Variants in DNAL4 observed in about 807,000 individuals in gnomAD.
DNAL4 encodes dynein axonemal light chain 4.
A neutral mutation model predicts 12.6 loss-of-function variants in DNAL4; 10 were observed. The observed-to-expected ratio is 0.79, with a 90% confidence interval of 0.49 to 1.34. The LOEUF (loss-of-function observed/expected upper bound fraction) is 1.34, where lower values mean the gene tolerates loss of function less well. Ranked by LOEUF, DNAL4 falls within the 40% of genes most tolerant of loss-of-function variation. DNAL4 has a pLI of 0.00. For missense variants in DNAL4, 128 were observed against 138.1 expected (o/e 0.93, Z 0.37); for synonymous variants, 46 against 53.1 (o/e 0.87, Z 0.58).
intron 1 of DNAL4, among the ~76,000 whole-genome samples, chr22:38,788,727 C>T (rs1274604530): frequency 3.3e-5 from 5 of 152,174 alleles, no homozygotes; most frequent in African/African-American, 7.2e-5. Context: ...GCTCCCGCCC[C>T]GCTCTCTCCC....
chr22:38,793,120 T>G (rs1264096716), intron 1 of DNAL4, among the ~76,000 whole-genome samples: 1 of 152,204 alleles, frequency 6.6e-6, no homozygotes, highest in Non-Finnish European at 1.5e-5. Flanking sequence ...TGGTCTTTCT[T>G]GACCAAAACG....
chr22:38,788,191 C>T (rs561195826), intron 1 of DNAL4, among the ~76,000 whole-genome samples: 2 of 152,246 alleles, frequency 1.3e-5, no homozygotes, highest in South Asian at 2.1e-4. Context: ...CTTGGGCATT[C>T]GTCCAAGACG....
Position 38,782,767 on chromosome 22 carries a change from CTTT to C in DNAL4, c.-39_-37del. The C allele has an allele frequency of 6.3e-7, 1 of 1,585,754 alleles. No homozygotes were observed. Among genetic ancestry groups the C allele is most frequent in the Non-Finnish European group, 8.6e-7 (1 of 1,167,168 alleles). ...CTGTGACCACTGGAGGAGAGTGGGGCTTTCAGGAGGTGCTGGGACTGGCAGTTA... is the reference window on the plus strand; with the variant it reads ...CTGTGACCACTGGAGGAGAGTGGGGCCAGGAGGTGCTGGGACTGGCAGTTA... On this transcript the variant is annotated 5_prime_UTR_variant, in exon 2 of 4. Coordinates refer to ENST00000216068, the MANE Select transcript of DNAL4 (RefSeq NM_005740.3). This position sits in a 1 kb window ranked among gnomAD's most constrained non-coding sequence, Gnocchi z 5.1.
chr22:38,780,439 G>A (rs539472567), intron 3 of DNAL4, among the ~76,000 whole-genome samples: 3 of 152,304 alleles, frequency 2.0e-5, no homozygotes, highest in Admixed American at 6.5e-5. Context: ...ACTGGCCAGT[G>A]TCTTGCCTCC....
intron 3 of DNAL4, among the ~76,000 whole-genome samples, chr22:38,780,104 C>T (rs1027049458): frequency 6.6e-6 from 1 of 152,214 alleles, no homozygotes; most frequent in South Asian, 2.1e-4. Context: ...CTTCCTGTGC[C>T]TGCTCTTTCA....
At position 38,779,963 on chromosome 22, in the gene DNAL4, G is replaced by A. The variant is rs145676070; in HGVS notation, c.154-350C>T. ...TCCCTCAGATGTAACCTGGACAAGC[G>A]GGGCACCAGGCAGTCTCAGGACCAA... On this transcript the variant is annotated intron_variant, in intron 3 of 3. Coordinates refer to ENST00000216068, the MANE Select transcript of DNAL4 (RefSeq NM_005740.3). This position sits in a 1 kb window ranked among gnomAD's most constrained non-coding sequence, Gnocchi z 4.3. 8.5e-5 allele frequency among the ~76,000 whole-genome samples: 13 copies of A among 152,258 alleles called. No individual in the cohort carries two copies. The East Asian group carries it at 2.5e-3, about 29-fold the overall frequency.
intron 1 of DNAL4, among the ~76,000 whole-genome samples, chr22:38,783,388 G>A (rs186996475): frequency 1.6e-5 from 2 of 125,154 alleles, no homozygotes; most frequent in Non-Finnish European, 1.9e-5. Context: ...CTGCATACAC[G>A]GGCCTTCCCT....
At chr22:38,788,640 C>A (rs896375654) in intron 1 of DNAL4, among the ~76,000 whole-genome samples, 2 of 152,182 alleles carry the variant, frequency 1.3e-5, no homozygotes, top group African/African-American at 4.8e-5. Flanking sequence ...TGTCAAGATA[C>A]AAAGTATAAG....
intron 1 of DNAL4, among the ~76,000 whole-genome samples, 152 bp downstream of exon 1, chr22:38,793,916 G>A (rs892311463): frequency 6.6e-6 from 1 of 152,110 alleles, no homozygotes; most frequent in Non-Finnish European, 1.5e-5. Flanking sequence ...TGGGGGTTGA[G>A]GATGGGAAGA....
chr22:38,779,441 A>T lies in DNAL4; in HGVS notation c.*8T>A. 6.4e-7 allele frequency: 1 copy of T among 1,563,224 alleles called. No individual in the cohort carries two copies. On this transcript the variant is annotated 3_prime_UTR_variant, in exon 4 of 4. Transcript: ENST00000216068. This position sits in a 1 kb window ranked among gnomAD's most constrained non-coding sequence, Gnocchi z 4.3. ...GGCCCTGCAGGGGACGGGGCAGGGG[A>T]CAGAGTGTCAGGAGCACTTCCAGAC... is the stretch of plus-strand genomic sequence containing the variant.
chr22:38,782,611 C>G lies in DNAL4; in HGVS notation c.69+52G>C, dbSNP rs1450960149. The G allele has an allele frequency of 2.5e-6, 4 of 1,592,540 alleles. No individual in the cohort carries two copies. The highest frequency in any genetic ancestry group is 2.7e-5 in the African/African-American group (2 of 74,288). On this transcript the variant is annotated intron_variant, in intron 2 of 3. Transcript: ENST00000216068. The surrounding 1 kb of genome is among the most constrained non-coding windows in gnomAD (Gnocchi z 5.1). Reference sequence around the variant, plus strand: ...AGGGACAAGCTCCACCCACCTCTCTCCAGGCTGTGTGGGCCCTGCCGGCAG... The same window carrying G: ...AGGGACAAGCTCCACCCACCTCTCTGCAGGCTGTGTGGGCCCTGCCGGCAG...
At chr22:38,792,044 C>T (rs1041261777) in intron 1 of DNAL4, among the ~76,000 whole-genome samples, 2 of 152,006 alleles carry the variant, frequency 1.3e-5, no homozygotes, top group Non-Finnish European at 2.9e-5. Flanking sequence ...AAAAAATTTA[C>T]GTAAATTTAG....
intron 1 of DNAL4, among the ~76,000 whole-genome samples, chr22:38,783,123 T>C (rs2093036794): frequency 6.6e-6 from 1 of 152,214 alleles, no homozygotes; most frequent in East Asian, 1.9e-4. Context: ...GGGCCAGGCC[T>C]GCAGGATGGA....
Position 38,782,891 on chromosome 22 carries a change from C to G in DNAL4, c.-139-21G>C. The G allele has an allele frequency of 1.7e-6, 1 of 596,474 alleles. No homozygotes were observed. The highest frequency in any genetic ancestry group is 2.8e-6 in the Non-Finnish European group (1 of 356,664). The allele number at this position is 596,474 out of a possible 1,614,324, so 36.9% of individuals were successfully genotyped here. On this transcript the variant is annotated intron_variant, in intron 1 of 3. Coordinates refer to ENST00000216068, the MANE Select transcript of DNAL4 (RefSeq NM_005740.3). The surrounding 1 kb of genome is among the most constrained non-coding windows in gnomAD (Gnocchi z 5.1). The stretch of plus-strand genomic sequence containing the variant: ...GGGTGCTGCAGAAAACAGGAGAAAC[C>G]AGAAAAAAAGAGCTGGCTTCAAAAC...
At position 38,783,360 on chromosome 22, in the gene DNAL4, C is replaced by A. The variant is rs62228778; in HGVS notation, c.-139-490G>T. On this transcript the variant is annotated intron_variant, in intron 1 of 3. Coordinates refer to ENST00000216068, the MANE Select transcript of DNAL4 (RefSeq NM_005740.3). ...CGCGGGCCTTCCCTCCCACTACATA[C>A]GCGGGCCTTCCCTCCCACTGCATAC... is the stretch of plus-strand genomic sequence containing the variant. 4.1e-3 allele frequency among the ~76,000 whole-genome samples: 623 copies of A among 151,476 alleles called. 2 individuals are homozygous for A. The highest frequency in any genetic ancestry group is 7.3e-3 in the Non-Finnish European group (495 of 67,772).
chr22:38,780,827 G>T, intron 3 of DNAL4, 99 bp downstream of exon 3: 2 of 1,200,088 alleles, frequency 1.7e-6, no homozygotes, highest in Non-Finnish European at 2.4e-6. Context: ...CCTCATCCTA[G>T]CAGTACTGTC....
In DNAL4 at chr22:38,779,466, C is replaced by T. The variant is rs754907328; in HGVS notation, c.301G>A (p.Val101Ile). The T allele has an allele frequency of 1.7e-5, 26 of 1,573,032 alleles. No individual in the cohort carries two copies. Among genetic ancestry groups the T allele is most frequent in the East Asian group, 1.4e-4 (6 of 42,686 alleles). The stretch of plus-strand genomic sequence containing the variant: ...ACAGAGTGTCAGGAGCACTTCCAGA[C>T]GCACACAGCCAGGGTGCCCCCGAAG... ...LYFGGTLAVC[V>I]WKCS Residue 101 changes from valine (V) to isoleucine (I), a missense_variant, in exon 4 of 4, where the codon GTC (valine) becomes ATC (isoleucine). Val to Ile is a conservative substitution (Grantham distance 29). Coordinates refer to ENST00000216068, the MANE Select transcript of DNAL4 (RefSeq NM_005740.3). The surrounding 1 kb of genome is among the most constrained non-coding windows in gnomAD (Gnocchi z 4.3).
In DNAL4 at chr22:38,782,021, T is replaced by C. The variant is rs2146163982; in HGVS notation, c.69+642A>G. ...CTCCCCTGCTTAAAACCCTTCAGTGTTCCCCCTTCGATTCAGGACAGAACC... is the reference window on the plus strand; with the variant it reads ...CTCCCCTGCTTAAAACCCTTCAGTGCTCCCCCTTCGATTCAGGACAGAACC... On this transcript the variant is annotated intron_variant, in intron 2 of 3. Transcript: ENST00000216068. This position sits in a 1 kb window ranked among gnomAD's most constrained non-coding sequence, Gnocchi z 5.1. 6.6e-6 allele frequency among the ~76,000 whole-genome samples: 1 copy of C among 152,350 alleles called. No homozygotes were observed. The highest frequency in any genetic ancestry group is 1.9e-4 in the East Asian group (1 of 5,186).
chr22:38,782,956 C>T lies in DNAL4; in HGVS notation c.-139-86G>A, dbSNP rs532979722. The T allele has an allele frequency of 1.7e-4, 77 of 462,510 alleles. 1 individual carries two copies. The highest frequency in any genetic ancestry group is 1.3e-3 in the African/African-American group (62 of 49,254). 28.7% of individuals were successfully genotyped at this position (462,510 alleles called of 1,614,324 possible). ...TAGAAATGTCTCAGTAACAATCTGA[C>T]ACCTCCCCATCTTAACTCCTCCGCA... On this transcript the variant is annotated intron_variant, in intron 1 of 3. Coordinates refer to ENST00000216068, the MANE Select transcript of DNAL4 (RefSeq NM_005740.3). The surrounding 1 kb of genome is among the most constrained non-coding windows in gnomAD (Gnocchi z 5.1).
Sources: gnomAD v4.1 joint callset for allele counts (sites outside exome capture counted in the v4.1 genomes callset) on GRCh38, gnomAD v4.1.1 for gene constraint, Gnocchi (gnomAD v3.1) non-coding constraint, MANE v1.5 for transcripts, NCBI Gene and HGNC (gene_info 2026-07-23, HGNC 2026-07-21) for gene names.